Variants in MACROD2 observed in about 807,000 individuals in gnomAD.
The protein encoded by MACROD2 is ADP-ribose glycohydrolase MACROD2.
Under a neutral mutation model 70.4 loss-of-function variants are expected in MACROD2, and 36 were observed. That is an observed-to-expected ratio of 0.51 (90% CI 0.39 to 0.68). The LOEUF is 0.68. Ranked by LOEUF, MACROD2 falls within the 30% of genes least tolerant of loss-of-function variation. The pLI is 0.00. For synonymous variants in MACROD2, 172 were observed against 178.8 expected, an observed-to-expected ratio of 0.96 and a Z score of 0.30; for missense variants, 496 against 538.4, an observed-to-expected ratio of 0.92 and a Z score of 0.78.
chr20:15,483,971 A>G (rs1429522022), intron 7 of MACROD2, among the ~76,000 whole-genome samples: 1 of 151,986 alleles, frequency 6.6e-6, no homozygotes, highest in Non-Finnish European at 1.5e-5. Flanking sequence ...TCAAACCTGG[A>G]TTTCCTACAT....
chr20:16,045,094 C>A (rs1420339594), intron 17 of MACROD2, among the ~76,000 whole-genome samples: 5 of 152,242 alleles, frequency 3.3e-5, no homozygotes, highest in African/African-American at 1.2e-4. Context: ...CAGAAACAAG[C>A]CTGCCTTAGG....
chr20:15,040,007 A>C (rs2075343081), intron 5 of MACROD2, among the ~76,000 whole-genome samples: 1 of 152,128 alleles, frequency 6.6e-6, no homozygotes, highest in Admixed American at 6.6e-5. Flanking sequence ...TATTACCCCA[A>C]GATTTCTATA....
chr20:15,963,365 C>T (rs778635689), intron 12 of MACROD2, among the ~76,000 whole-genome samples: 1 of 152,150 alleles, frequency 6.6e-6, no homozygotes, highest in African/African-American at 2.4e-5. Context: ...TCCTCTCTTA[C>T]TCGGTGCGTT....
At chr20:15,434,331 G>GAAAAA (rs34704525) in intron 7 of MACROD2, among the ~76,000 whole-genome samples, 39 of 147,700 alleles carry the variant, frequency 2.6e-4, no homozygotes, top group Admixed American at 4.7e-4. Context: ...ATATCAGCAA[G>GAAAAA]AAAAAAAAAA....
rs535007711 is a variant in MACROD2, at chr20:15,224,033, T to G, written c.419-5907T>G. Among the ~76,000 whole-genome samples the G allele has an allele frequency of 1.2e-4, 18 of 152,258 alleles. No individual in the cohort carries two copies. The East Asian group carries it at 3.1e-3, about 26-fold the overall frequency. On this transcript the variant is annotated intron_variant, in intron 5 of 17. Transcript: ENST00000684519. ...GTGAGGAAACCCAAACTAGCCCACA[T>G]GGAGAGTCCTTGAGACCACATGAAG...
At chr20:14,105,389 G>T (rs2054355887) in intron 3 of MACROD2, among the ~76,000 whole-genome samples, 1 of 152,210 alleles carries the variant, frequency 6.6e-6, no homozygotes, top group African/African-American at 2.4e-5. Flanking sequence ...GCGCTGCCTT[G>T]TCACAGTGGT....
In MACROD2 at chr20:15,128,628, A is replaced by G. The variant is rs572726152; in HGVS notation, c.419-101312A>G. ...GTGAGGGCCAATGGACTTGGGTTAC[A>G]TATAAGAATTATATATACATTATCA... On this transcript the variant is annotated intron_variant, in intron 5 of 17. Transcript: ENST00000684519. 4.6e-5 allele frequency among the ~76,000 whole-genome samples: 7 copies of G among 152,206 alleles called. No individual in the cohort carries two copies. The South Asian group carries it at 1.5e-3, about 32-fold the overall frequency.
chr20:14,561,394 A>G lies in MACROD2; in HGVS notation c.301+67886A>G, dbSNP rs1003091245. Among the ~76,000 whole-genome samples, 7 of 151,930 alleles carry G rather than the reference A, an allele frequency of 4.6e-5. No homozygotes were observed. In the East Asian group the frequency reaches 7.8e-4, roughly 17 times the overall value. On this transcript the variant is annotated intron_variant, in intron 4 of 17. Coordinates refer to ENST00000684519, the MANE Select transcript of MACROD2 (RefSeq NM_001351661.2). ...GTAGAAACCACTGTAAGCTTAGGAA[A>G]ATATTTTGAAATAATTTGTGAAATA...
chr20:15,335,784 A>G (rs940537894), intron 6 of MACROD2, among the ~76,000 whole-genome samples: 1 of 151,628 alleles, frequency 6.6e-6, no homozygotes, highest in African/African-American at 2.4e-5. Context: ...CATATTTAGC[A>G]GGTCGAAATG....
At chr20:14,186,051 G>A (rs2081341560) in intron 3 of MACROD2, among the ~76,000 whole-genome samples, 2 of 152,100 alleles carry the variant, frequency 1.3e-5, no homozygotes, top group South Asian at 4.1e-4. Context: ...CAGGTGTATA[G>A]CTCTATCCCT....
chr20:14,315,276 A>G (rs933718869), intron 3 of MACROD2, among the ~76,000 whole-genome samples: 1 of 152,204 alleles, frequency 6.6e-6, no homozygotes, highest in Non-Finnish European at 1.5e-5. Flanking sequence ...GAGATAATGG[A>G]TATGAAATGC....
intron 3 of MACROD2, among the ~76,000 whole-genome samples, chr20:14,348,159 C>T (rs1186366118): frequency 6.6e-6 from 1 of 151,450 alleles, no homozygotes; most frequent in South Asian, 2.1e-4. Flanking sequence ...GTCCCAGCTA[C>T]TTGGGAGGCT....
At chr20:15,166,993 G>T (rs1331582421) in intron 5 of MACROD2, among the ~76,000 whole-genome samples, 2 of 150,500 alleles carry the variant, frequency 1.3e-5, no homozygotes, top group South Asian at 2.1e-4. Flanking sequence ...ATTTAAGTAT[G>T]AAATTATTAA....
intron 8 of MACROD2, among the ~76,000 whole-genome samples, chr20:15,784,639 A>T (rs2051889342): frequency 6.6e-6 from 1 of 152,150 alleles, no homozygotes; most frequent in African/African-American, 2.4e-5. Flanking sequence ...TGGCAAAATA[A>T]AATAACAATA....
At chr20:15,676,586 T>C (rs757885571) in intron 8 of MACROD2, among the ~76,000 whole-genome samples, 1 of 152,202 alleles carries the variant, frequency 6.6e-6, no homozygotes, top group East Asian at 1.9e-4. Flanking sequence ...AGAACTCTTG[T>C]TACATTTATG....
At chr20:14,047,381 A>G (rs2259782) in intron 2 of MACROD2, among the ~76,000 whole-genome samples, 150,099 of 151,310 alleles carry the variant, frequency 0.99, 74,449 homozygotes, top group East Asian at 1. Context: ...CTTGAACCTG[A>G]GAGGTGGAGG....
At chr20:15,198,905 A>G (rs576096663) in intron 5 of MACROD2, among the ~76,000 whole-genome samples, 138 of 152,138 alleles carry the variant, frequency 9.1e-4, no homozygotes, top group Middle Eastern at 3.4e-3. Flanking sequence ...TTCGAGTTTC[A>G]TAGATTGTTC....
intron 5 of MACROD2, among the ~76,000 whole-genome samples, chr20:14,764,696 A>G (rs996063881): frequency 6.6e-6 from 1 of 152,102 alleles, no homozygotes; most frequent in African/African-American, 2.4e-5. Flanking sequence ...AATTCCTAGG[A>G]CTGGCCTCAA....
chr20:14,019,335 A>G (rs974217305), intron 2 of MACROD2, among the ~76,000 whole-genome samples: 3 of 152,116 alleles, frequency 2.0e-5, no homozygotes, highest in Admixed American at 6.5e-5. Flanking sequence ...GCCGTGGCGC[A>G]ATCTTGGCTT....
Sources: gnomAD v4.1 joint callset for allele counts (sites outside exome capture counted in the v4.1 genomes callset) on GRCh38, gnomAD v4.1.1 for gene constraint, MANE v1.5 for transcripts, NCBI Gene and HGNC (gene_info 2026-07-23, HGNC 2026-07-21) for gene names.